PRMT7: variants seen among roughly 807,000 people sequenced by gnomAD.
PRMT7 encodes protein arginine N-methyltransferase 7.
PRMT7 carries 75 observed loss-of-function variants against 85.4 expected under a neutral mutation model. The observed-to-expected ratio is 0.88, with a 90% CI of 0.73 to 1.06. The LOEUF is 1.06. Ranked by LOEUF, PRMT7 falls within the 50% of genes least tolerant of loss-of-function variation. The pLI is 0.00. For missense variants in PRMT7, 868 were observed against 915.2 expected (o/e 0.95, Z 0.67); for synonymous variants, 397 against 359.5 (o/e 1.10, Z -1.18).
intron 6 of PRMT7, among the ~76,000 whole-genome samples, chr16:68,334,228 G>A (rs2084335647): frequency 6.6e-6 from 1 of 152,200 alleles, no homozygotes; most frequent in Non-Finnish European, 1.5e-5. Context: ...TTTGCTCCGG[G>A]CCTGTCATGT....
chr16:68,323,579 T>G (rs896483258), intron 4 of PRMT7: 1 of 152,242 alleles, frequency 6.6e-6, no homozygotes, highest in Admixed American at 6.5e-5. Flanking sequence ...GATTTAGTCT[T>G]TTGCCTATCA....
chr16:68,318,474 C>T (rs2082132596), intron 3 of PRMT7, among the ~76,000 whole-genome samples: 1 of 152,216 alleles, frequency 6.6e-6, no homozygotes, highest in South Asian at 2.1e-4. Context: ...GCTGGGATTA[C>T]AGGCGTGAGC....
chr16:68,324,273 A>G (rs2082843962), intron 4 of PRMT7: 1 of 180,210 alleles, frequency 5.5e-6, no homozygotes, highest in African/African-American at 2.4e-5. Context: ...GATCATTGGG[A>G]AAAGTTGGAG....
intron 1 of PRMT7, chr16:68,311,308 A>C: frequency 3.1e-6 from 1 of 318,560 alleles, no homozygotes; most frequent in Non-Finnish European, 6.0e-6. Context: ...GGTGCCTGCC[A>C]CTCGCGGGGC....
At chr16:68,311,349 C>T (rs941301749) in intron 1 of PRMT7, 5 of 297,770 alleles carry the variant, frequency 1.7e-5, no homozygotes, top group African/African-American at 1.1e-4. Context: ...TGGCGCCTCC[C>T]CTCAGCCACA....
At chr16:68,359,204 T>TAGGGGTCC (rs1216434857), downstream of PRMT7, 8 of 152,330 alleles carry the variant, frequency 5.3e-5, no homozygotes, top group African/African-American at 1.7e-4. Context: ...GCTCGGGGTC[T>TAGGGGTCC]AGGGGTCCAG....
At chr16:68,324,936 C>T in intron 5 of PRMT7, 104 bp downstream of exon 5, 1 of 1,439,086 alleles carries the variant, frequency 6.9e-7, no homozygotes, top group South Asian at 1.2e-5. Context: ...ATGGAGTGCT[C>T]ACTCTGTGCC....
intron 4 of PRMT7, chr16:68,324,037 C>G (rs549748270): frequency 9.2e-5 from 14 of 152,406 alleles, no homozygotes; most frequent in African/African-American, 3.4e-4. Context: ...AGCAGAGCGG[C>G]TTTAACACAA....
In PRMT7 at chr16:68,345,758, C is replaced by T; in HGVS notation, c.1011C>T (p.Ala337=). 1 of 1,614,186 alleles carries T rather than the reference C, an allele frequency of 6.2e-7. No individual in the cohort carries two copies. The highest frequency in any genetic ancestry group is 1.7e-4 in the Middle Eastern group (1 of 6,056). ...VVQGSALYLV[A]HHDDYCVWYS... ...AGGGCTCAGCGCTCTATCTGGTAGC[C>T]CACCACGATGACTACTGCGTATGGT... is the stretch of plus-strand genomic sequence containing the variant. Residue 337 remains alanine, a synonymous_variant, in exon 10 of 19, where the codon GCC becomes GCT. Transcript: ENST00000441236.
Position 68,311,089 on chromosome 16 carries a change from T to C in PRMT7, c.-229T>C, listed in dbSNP as rs1023704562. On this transcript the variant is annotated 5_prime_UTR_variant, in exon 1 of 19. Coordinates refer to ENST00000441236, the MANE Select transcript of PRMT7 (RefSeq NM_019023.5). ...TAGCAGCGGAGGCGAGCGGAGGGTT[T>C]CCCGCGGCGGGTGAGGCGCTGGGTA... The C allele has an allele frequency of 1.5e-5, 11 of 737,678 alleles. No homozygotes were observed. The highest frequency in any genetic ancestry group is 2.4e-5 in the Non-Finnish European group (10 of 420,886). The allele number at this position is 737,678 out of a possible 1,614,324, so 45.7% of individuals were successfully genotyped here. A position where few individuals can be genotyped will look rare whatever the true frequency, so the allele number is the denominator to read the frequency against.
intron 6 of PRMT7, among the ~76,000 whole-genome samples, chr16:68,335,559 A>C (rs1472383287): frequency 6.6e-6 from 1 of 150,780 alleles, no homozygotes; most frequent in Non-Finnish European, 1.5e-5. Flanking sequence ...ACTGTCATGG[A>C]GCACAGGTGA....
At chr16:68,352,512 G>C in intron 15 of PRMT7, 103 bp downstream of exon 15, 2 of 1,139,656 alleles carry the variant, frequency 1.8e-6, no homozygotes, top group Non-Finnish European at 2.4e-6. Context: ...CTCAGGCCTT[G>C]ATGATTTGAG....
intron 12 of PRMT7, 27 bp from the exon 13 acceptor site, chr16:68,347,604 C>A (rs769956486): frequency 2.5e-6 from 4 of 1,606,250 alleles, no homozygotes; most frequent in South Asian, 2.2e-5. Flanking sequence ...GAATATCTTA[C>A]AACTAATAGC....
At chr16:68,343,997 C>CT (rs1475747506) in intron 9 of PRMT7, among the ~76,000 whole-genome samples, 2 of 152,184 alleles carry the variant, frequency 1.3e-5, no homozygotes, top group African/African-American at 4.8e-5. Context: ...GAGACAGGGT[C>CT]TTGCTTTATT....
chr16:68,338,498 G>A (rs1468693771), intron 7 of PRMT7, among the ~76,000 whole-genome samples: 3 of 152,090 alleles, frequency 2.0e-5, no homozygotes, highest in South Asian at 2.1e-4. Flanking sequence ...AAGAGGGCAT[G>A]GTTGAGGTCA....
chr16:68,311,338 C>T (rs916673280), intron 1 of PRMT7: 15 of 304,148 alleles, frequency 4.9e-5, no homozygotes, highest in Non-Finnish European at 8.3e-5. Flanking sequence ...GTACTCGTGC[C>T]TGGCGCCTCC....
In PRMT7 at chr16:68,353,471, G is replaced by A. The variant is rs771040515; in HGVS notation, c.1576-21G>A. 3.1e-6 allele frequency: 5 copies of A among 1,609,730 alleles called. No homozygotes were observed. In the Middle Eastern group the frequency reaches 5.0e-4, roughly 160 times the overall value. ...TGTGTCCTGGCGGGCGGGTGTGGAC[G>A]GGGCTGCTCCTTCCTCACAGGACCT... On this transcript the variant is annotated intron_variant, in intron 15 of 18. Coordinates refer to ENST00000441236, the MANE Select transcript of PRMT7 (RefSeq NM_019023.5).
chr16:68,337,633 C>A, intron 7 of PRMT7, 62 bp downstream of exon 7: 1 of 1,137,426 alleles, frequency 8.8e-7, no homozygotes, highest in Non-Finnish European at 1.3e-6. Flanking sequence ...ATAGCACTCA[C>A]TCATGCACCG....
rs117940300 is a variant in PRMT7 at position 68,334,591 on chromosome 16, C to T, written c.392-2868C>T. ...CCCAGAGCTGGGTTACATGCTGAGG[C>T]TTGTGGAGAGCCAACCCAGGGAGCA... On this transcript the variant is annotated intron_variant, in intron 6 of 18. Transcript: ENST00000441236. Among the ~76,000 whole-genome samples, 93 of 152,246 alleles carry T rather than the reference C, an allele frequency of 6.1e-4. 2 individuals are homozygous for T. In the East Asian group the frequency reaches 0.015, roughly 25 times the overall value.
Sources: gnomAD v4.1 joint callset for allele counts (sites outside exome capture counted in the v4.1 genomes callset) on GRCh38, gnomAD v4.1.1 for gene constraint, MANE v1.5 for transcripts, NCBI Gene and HGNC (gene_info 2026-07-23, HGNC 2026-07-21) for gene names.